Variants in TSC1 observed in about 807,000 individuals in gnomAD.
The protein encoded by TSC1 is TSC complex subunit 1, also known as hamartin.
In TSC1, 20 loss-of-function variants were observed where a neutral mutation model predicts 124.3. The observed-to-expected ratio is 0.16, with a 90% confidence interval of 0.11 to 0.23. The LOEUF (loss-of-function observed/expected upper bound fraction) is 0.23, where lower values mean the gene tolerates loss of function less well. Among genes scored for constraint, TSC1 ranks in the 10% least tolerant of loss-of-function variants. The pLI, the probability that TSC1 is intolerant of heterozygous loss-of-function variation, is 1.00. For synonymous variants in TSC1, 493 were observed against 539.1 expected (o/e 0.91, Z 1.19); for missense variants, 1,124 against 1,448.5 (o/e 0.78, Z 3.64).
chr9:132,938,869 T>C (rs141346646), intron 1 of TSC1, among the ~76,000 whole-genome samples: 29 of 152,322 alleles, frequency 1.9e-4, no homozygotes, highest in African/African-American at 7.0e-4. Context: ...GCCTAGACAC[T>C]ACCCTCTACG....
intron 8 of TSC1, among the ~76,000 whole-genome samples, chr9:132,914,702 A>AT (rs1846175200): frequency 7.9e-6 from 1 of 126,034 alleles, no homozygotes; most frequent in East Asian, 2.1e-4. Flanking sequence ...AAAAAAAAAT[A>AT]CAAAAAAAAA....
intron 4 of TSC1, chr9:132,926,140 G>C (rs866623638): frequency 3.1e-5 from 8 of 258,488 alleles, no homozygotes; most frequent in Middle Eastern, 1.5e-3. Flanking sequence ...TTAGGTAGTA[G>C]AAGTTACATT....
chr9:132,939,295 G>C (rs1363194202), intron 1 of TSC1: 1 of 152,142 alleles, frequency 6.6e-6, no homozygotes, highest in South Asian at 2.1e-4. Context: ...AAGGAAAAAA[G>C]GGTAGGAAAT....
rs1207806315 is a variant in TSC1 at position 132,905,856 on chromosome 9, A to G, written c.1722T>C (p.Thr574=). The G allele has an allele frequency of 6.2e-7, 1 of 1,613,158 alleles. No individual in the cohort carries two copies. The highest frequency in any genetic ancestry group is 1.1e-5 in the South Asian group (1 of 91,086). ...GAGTGAAGATACTGGTCTCCAAAGA[A>G]GTCTGGCATTCCCTGTCTCCCGCAG... ...ESPAGDRECQ[T]SLETSIFTPS... The change falls in exon 15 of 23, where the codon ACT becomes ACC. Residue 574 remains threonine (T), a synonymous_variant. Coordinates refer to ENST00000298552, the MANE Select transcript of TSC1 (RefSeq NM_000368.5).
chr9:132,941,039 CT>C (rs1324789062), intron 1 of TSC1: 1 of 152,216 alleles, frequency 6.6e-6, no homozygotes, highest in Non-Finnish European at 1.5e-5. Context: ...TACTCCAACA[CT>C]TCTGGGCCTC....
rs568742157 is a variant in TSC1, at chr9:132,943,465, T to G, written c.-144+1078A>C. ...GGCTAAATGATAAATTTTAATCACTTACAGGCCAGCTTTGATCAAATAACA... is the reference window on the plus strand; with the variant it reads ...GGCTAAATGATAAATTTTAATCACTGACAGGCCAGCTTTGATCAAATAACA... On this transcript the variant is annotated intron_variant, in intron 1 of 22. Transcript: ENST00000298552. The G allele has an allele frequency of 2.1e-4, 32 of 152,332 alleles. 1 individual carries two copies. The highest frequency in any genetic ancestry group is 7.7e-4 in the African/African-American group (32 of 41,558). 9.4% of individuals were successfully genotyped at this position (152,332 alleles called of 1,614,324 possible). A position where few individuals can be genotyped will look rare whatever the true frequency, so the allele number is the denominator to read the frequency against.
chr9:132,898,456 C>T (rs895089570), intron 20 of TSC1, among the ~76,000 whole-genome samples: 4 of 152,180 alleles, frequency 2.6e-5, no homozygotes, highest in African/African-American at 9.7e-5. Context: ...CCATAAACAG[C>T]AAGGAGATGA....
In TSC1 at chr9:132,921,398, C is replaced by T. The variant is rs1216129023; in HGVS notation, c.702G>A (p.Val234=). 1 of 1,614,016 alleles carries T rather than the reference C, an allele frequency of 6.2e-7. No homozygotes were observed. The highest frequency in any genetic ancestry group is 8.5e-7 in the Non-Finnish European group (1 of 1,180,022). ...CCAGTTCATGGTCCTTGGATCCAGT[C>T]ACTAATTCCGGATGAATTCGCACAT... ...MEHVRIHPEL[V]TGSKDHELDP... Residue 234 remains valine (V), a synonymous_variant, in exon 8 of 23, where the codon GTG becomes GTA. Transcript: ENST00000298552. This position sits in a 1 kb window ranked among gnomAD's most constrained non-coding sequence, Gnocchi z 4.3.
At chr9:132,944,992 C>G (rs921359970), upstream of TSC1, among the ~76,000 whole-genome samples, 8 of 152,196 alleles carry the variant, frequency 5.3e-5, no homozygotes, top group African/African-American at 1.9e-4. Context: ...GAGGCGTAAA[C>G]AAGCTGGCGG....
Position 132,906,671 on chromosome 9 carries a change from A to G in TSC1, c.1438+60T>C. The G allele has an allele frequency of 1.4e-6, 2 of 1,441,112 alleles. No homozygotes were observed. The highest frequency in any genetic ancestry group is 1.9e-5 in the Admixed American group (1 of 52,902). The allele number at this position is 1,441,112 out of a possible 1,614,324, so 89.3% of individuals were successfully genotyped here. On this transcript the variant is annotated intron_variant, in intron 14 of 22. Coordinates refer to ENST00000298552, the MANE Select transcript of TSC1 (RefSeq NM_000368.5). The surrounding 1 kb of genome is among the most constrained non-coding windows in gnomAD (Gnocchi z 4.1). ...CCTGTGAGCAATGGCACAAAATCCC[A>G]GATTTATAGCAGAGCGAGGGTCAGG...
intron 2 of TSC1, among the ~76,000 whole-genome samples, chr9:132,929,389 A>G (rs575378314): frequency 2.0e-5 from 3 of 152,378 alleles, no homozygotes; most frequent in African/African-American, 7.2e-5. Context: ...GCTAAGAGTT[A>G]GTATAGCTGG....
chr9:132,929,011 A>G, intron 2 of TSC1, 59 bp from the exon 3 acceptor site: 1 of 1,451,822 alleles, frequency 6.9e-7, no homozygotes, highest in Non-Finnish European at 9.2e-7. Flanking sequence ...ATAAAAAAAG[A>G]AAATACCTGC....
chr9:132,903,546 G>A lies in TSC1; in HGVS notation c.2208+105C>T. The A allele has an allele frequency of 6.5e-7, 1 of 1,541,182 alleles. No individual in the cohort carries two copies. The highest frequency in any genetic ancestry group is 8.9e-7 in the Non-Finnish European group (1 of 1,119,028). ...AGCGACCTGCCCAAAGGAGTGGGAA[G>A]GACTGGGAACTCTGACCTCCTCGGC... On this transcript the variant is annotated intron_variant, in intron 17 of 22. Transcript: ENST00000298552. The surrounding 1 kb of genome is among the most constrained non-coding windows in gnomAD (Gnocchi z 5.9).
chr9:132,921,797 CA>C lies in TSC1; in HGVS notation c.663+21del, dbSNP rs1164584353. On this transcript the variant is annotated intron_variant, in intron 7 of 22. Coordinates refer to ENST00000298552, the MANE Select transcript of TSC1 (RefSeq NM_000368.5). The surrounding 1 kb of genome is among the most constrained non-coding windows in gnomAD (Gnocchi z 4.3). ...TCTAAACAGTATACTAAGTAGCAAA[CA>C]AACAAGCAGTTTCAATTTACCTTGA... is the stretch of plus-strand genomic sequence containing the variant. 2 of 1,613,856 alleles carry C rather than the reference CA, an allele frequency of 1.2e-6. No individual in the cohort carries two copies. Among genetic ancestry groups the C allele is most frequent in the African/African-American group, 2.7e-5 (2 of 74,908 alleles).
chr9:132,938,364 C>A (rs931070604), intron 1 of TSC1, among the ~76,000 whole-genome samples: 2 of 152,262 alleles, frequency 1.3e-5, no homozygotes, highest in South Asian at 2.1e-4. Flanking sequence ...TAAAAAGAAA[C>A]CTGCCTCCAG....
Position 132,923,462 on chromosome 9 carries a change from C to T in TSC1, c.394G>A (p.Gly132Ser). 6.2e-7 allele frequency: 1 copy of T among 1,614,148 alleles called. No individual in the cohort carries two copies. Among genetic ancestry groups the T allele is most frequent in the Non-Finnish European group, 8.5e-7 (1 of 1,179,990 alleles). ...MDTDVVVLTTGVLVLITMLPM... is the reference protein window; with the variant it reads ...MDTDVVVLTTSVLVLITMLPM... ...AGCATGGTTATCAACACCAAGACGC[C>T]TGTTGTGAGGACAACGACGTCAGTG... is the stretch of plus-strand genomic sequence containing the variant. The change falls in exon 6 of 23, where the codon GGC becomes AGC. Residue 132 changes from glycine (G) to serine (S), a missense_variant. Physicochemically the swap from Gly to Ser is moderately conservative, Grantham distance 56. Coordinates refer to ENST00000298552, the MANE Select transcript of TSC1 (RefSeq NM_000368.5). This position sits in a 1 kb window ranked among gnomAD's most constrained non-coding sequence, Gnocchi z 4.2.
chr9:132,932,639 C>T (rs1042291589), intron 2 of TSC1, among the ~76,000 whole-genome samples: 1 of 152,120 alleles, frequency 6.6e-6, no homozygotes, highest in Non-Finnish European at 1.5e-5. Flanking sequence ...TCATAAGATC[C>T]AGCCAGTTAT....
At chr9:132,932,462 T>G (rs1202028080) in intron 2 of TSC1, among the ~76,000 whole-genome samples, 1 of 152,206 alleles carries the variant, frequency 6.6e-6, no homozygotes, top group African/African-American at 2.4e-5. Flanking sequence ...CTTGTATTCA[T>G]GCTACCCTAC....
rs2131640407 is a variant in TSC1 at position 132,897,611 on chromosome 9, C to CT, written c.2626-2dup. The CT allele has an allele frequency of 1.7e-5, 19 of 1,130,714 alleles. No individual in the cohort carries two copies. Among genetic ancestry groups the CT allele is most frequent in the Non-Finnish European group, 1.5e-5 (13 of 852,914 alleles). The allele number at this position is 1,130,714 out of a possible 1,614,324, so 70.0% of individuals were successfully genotyped here. A position where few individuals can be genotyped will look rare whatever the true frequency, so the allele number is the denominator to read the frequency against. On this transcript the variant is annotated splice_acceptor_variant, in intron 20 of 22. Transcript: ENST00000298552. LOFTEE classifies it high-confidence loss of function. ...AGGCGGCTTTCATCATTTCTACTTC[C>CT]TGAAAAAAAAAAAAAAAAAAGACTG...
Sources: allele counts gnomAD v4.1 joint callset (sites outside exome capture counted in the v4.1 genomes callset), GRCh38; gene constraint gnomAD v4.1.1; non-coding constraint Gnocchi (gnomAD v3.1); transcripts MANE v1.5; gene names NCBI Gene and HGNC (gene_info 2026-07-23, HGNC 2026-07-21).